AGPS: variants seen among roughly 807,000 people sequenced by gnomAD.
AGPS encodes the protein alkylglycerone phosphate synthase.
AGPS carries 26 observed loss-of-function variants against 90.7 expected under a neutral mutation model. The observed-to-expected ratio is 0.29, with a 90% CI of 0.21 to 0.40. The LOEUF is 0.40. Among genes scored for constraint, AGPS ranks in the 10% least tolerant of loss-of-function variants. AGPS has a pLI of 1.00. For missense variants in AGPS, 540 were observed against 816.1 expected, an observed-to-expected ratio of 0.66 and a Z score of 4.12; for synonymous variants, 294 against 285.3, an observed-to-expected ratio of 1.03 and a Z score of -0.31.
chr2:177,499,605 T>C lies in AGPS; in HGVS notation c.1363-13T>C, dbSNP rs905607869. 4.6e-6 allele frequency: 7 copies of C among 1,538,042 alleles called. No individual in the cohort carries two copies. Among genetic ancestry groups the C allele is most frequent in the Non-Finnish European group, 6.3e-6 (7 of 1,115,138 alleles). ...AGACTTATCTGTAATAATAAATTTT[T>C]TTTTTTTTGTAGTTTAAAGGATTTG... On this transcript the variant is annotated splice_polypyrimidine_tract_variant and intron_variant, in intron 13 of 19. Transcript: ENST00000264167.
rs1254770772 is a variant in AGPS, at chr2:177,445,278, G to A, written c.790-268G>A. ...TTAGACAGTTAAATAATTTGCCTAA[G>A]GTAAGAGAAGGAATTTAAATTAACC... On this transcript the variant is annotated intron_variant, in intron 7 of 19. Transcript: ENST00000264167. 6.6e-5 allele frequency among the ~76,000 whole-genome samples: 10 copies of A among 152,112 alleles called. No individual in the cohort carries two copies. In the East Asian group the frequency reaches 1.9e-3, roughly 29 times the overall value.
intron 5 of AGPS, among the ~76,000 whole-genome samples, chr2:177,439,346 G>A (rs978884753): frequency 3.3e-5 from 5 of 152,158 alleles, no homozygotes; most frequent in South Asian, 2.1e-4. Context: ...AGGGTAGTGC[G>A]AACAAGGATG....
chr2:177,405,607 C>T (rs1180961961), intron 1 of AGPS, among the ~76,000 whole-genome samples: 1 of 151,958 alleles, frequency 6.6e-6, no homozygotes, highest in African/African-American at 2.4e-5. Flanking sequence ...AGCCTCTTAA[C>T]CAATTCTGGT....
At chr2:177,491,147 C>CATAG (rs398071445) in intron 11 of AGPS, among the ~76,000 whole-genome samples, 3 of 151,002 alleles carry the variant, frequency 2.0e-5, no homozygotes, top group African/African-American at 7.3e-5. Flanking sequence ...AGCCGCCATA[C>CATAG]CCAGCCTAGG....
rs1055974652 is a variant in AGPS, at chr2:177,392,840, G to A, written c.51G>A (p.Ala17=). The part of the protein sequence containing the change: ...AAGGTGLGAG[A]SYGSAADRDR... ...GTGGGACTGGCTTGGGCGCGGGCGC[G>A]AGCTACGGGTCTGCAGCGGACCGGG... The change falls in exon 1 of 20, where the codon GCG becomes GCA. Residue 17 remains alanine (A), a synonymous_variant. Coordinates refer to ENST00000264167, the MANE Select transcript of AGPS (RefSeq NM_003659.4). 6.5e-7 allele frequency: 1 copy of A among 1,548,224 alleles called. No homozygotes were observed.
chr2:177,480,953 A>G (rs1362229280), intron 10 of AGPS, among the ~76,000 whole-genome samples: 1 of 152,070 alleles, frequency 6.6e-6, no homozygotes, highest in Non-Finnish European at 1.5e-5. Flanking sequence ...TGATCATACA[A>G]GTCATAAGTT....
chr2:177,459,986 TA>T (rs1339978801), intron 8 of AGPS, among the ~76,000 whole-genome samples: 1 of 152,090 alleles, frequency 6.6e-6, no homozygotes, highest in South Asian at 2.1e-4. Context: ...TATGCAGCCA[TA>T]AAAAAGGATG....
chr2:177,531,448 A>T (rs1159432432), intron 19 of AGPS, among the ~76,000 whole-genome samples: 1 of 152,192 alleles, frequency 6.6e-6, no homozygotes, highest in African/African-American at 2.4e-5. Context: ...ATATATACCG[A>T]ATTTGTATTC....
chr2:177,495,011 CATATTATTAGTTGTTAATATTTTTA>C (rs1688373465), intron 12 of AGPS, among the ~76,000 whole-genome samples: 1 of 152,132 alleles, frequency 6.6e-6, no homozygotes, highest in Non-Finnish European at 1.5e-5. Flanking sequence ...AAGCACATGC[CATATTATTAGTTGTTAATATTTTTA>C]ATATAATCTC....
intron 9 of AGPS, among the ~76,000 whole-genome samples, chr2:177,463,107 T>C (rs1160862539): frequency 6.6e-6 from 1 of 152,212 alleles, no homozygotes; most frequent in Non-Finnish European, 1.5e-5. Context: ...ACCTGTCATG[T>C]TTTATGTGCA....
At chr2:177,455,074 A>G (rs1186238884) in intron 8 of AGPS, among the ~76,000 whole-genome samples, 1 of 151,866 alleles carries the variant, frequency 6.6e-6, no homozygotes, top group African/African-American at 2.4e-5. Flanking sequence ...TTCTTCTTTC[A>G]GCGTGGCCCA....
intron 1 of AGPS, among the ~76,000 whole-genome samples, chr2:177,413,264 A>G (rs1685676327): frequency 6.6e-6 from 1 of 152,206 alleles, no homozygotes; most frequent in Non-Finnish European, 1.5e-5. Flanking sequence ...TCTGTCCCCA[A>G]AGGACAGCAG....
chr2:177,436,957 T>C, intron 4 of AGPS, 23 bp from the exon 5 acceptor site: 2 of 1,612,672 alleles, frequency 1.2e-6, no homozygotes, highest in Non-Finnish European at 1.7e-6. Context: ...TTTGTGTTTT[T>C]CTTTTTTTTA....
chr2:177,394,277 A>G (rs1685106471), intron 1 of AGPS, among the ~76,000 whole-genome samples: 1 of 152,238 alleles, frequency 6.6e-6, no homozygotes, highest in African/African-American at 2.4e-5. Flanking sequence ...ACTGGGAACT[A>G]TACCACCTGG....
At chr2:177,446,160 T>A (rs74359432) in intron 8 of AGPS, among the ~76,000 whole-genome samples, 8 of 152,118 alleles carry the variant, frequency 5.3e-5, no homozygotes, top group African/African-American at 9.6e-5. Context: ...TTTTTTTTTT[T>A]TTATTTTTTT....
chr2:177,518,537 T>C (rs767865587), intron 17 of AGPS, among the ~76,000 whole-genome samples: 12 of 152,282 alleles, frequency 7.9e-5, no homozygotes, highest in Non-Finnish European at 1.8e-4. Flanking sequence ...TATCCCACTG[T>C]TGATTCTTGA....
intron 8 of AGPS, among the ~76,000 whole-genome samples, chr2:177,459,994 G>C (rs1687243291): frequency 6.6e-6 from 1 of 152,184 alleles, no homozygotes; most frequent in Non-Finnish European, 1.5e-5. Context: ...CATAAAAAAG[G>C]ATGAGTTCAT....
chr2:177,481,218 A>G (rs770865883), intron 10 of AGPS, among the ~76,000 whole-genome samples: 3 of 152,094 alleles, frequency 2.0e-5, no homozygotes, highest in Non-Finnish European at 4.4e-5. Flanking sequence ...CAGAAAATTT[A>G]CTAATAAAGT....
At chr2:177,502,562 G>C (rs1162242253) in intron 14 of AGPS, among the ~76,000 whole-genome samples, 1 of 151,634 alleles carries the variant, frequency 6.6e-6, no homozygotes, top group Admixed American at 6.6e-5. Context: ...GACTACAGGT[G>C]CACGTCACCA....
Sources: allele counts gnomAD v4.1 joint callset (sites outside exome capture counted in the v4.1 genomes callset), GRCh38; gene constraint gnomAD v4.1.1; transcripts MANE v1.5; gene names NCBI Gene and HGNC (gene_info 2026-07-23, HGNC 2026-07-21).